Variants in L3MBTL1 observed in about 807,000 individuals in gnomAD.
The protein encoded by L3MBTL1 is L3MBTL histone methyl-lysine binding protein 1.
A neutral mutation model predicts 105.3 loss-of-function variants in L3MBTL1; 75 were observed. The ratio of observed to expected loss-of-function variants is 0.71; its 90% CI spans 0.59 to 0.86. L3MBTL1 has a LOEUF of 0.86. Ranked by LOEUF, L3MBTL1 falls within the 40% of genes least tolerant of loss-of-function variation. The pLI, the probability that L3MBTL1 is intolerant of heterozygous loss-of-function variation, is 0.00. For missense variants in L3MBTL1, 1,069 were observed against 1,126.4 expected, an observed-to-expected ratio of 0.95 and a Z score of 0.73; for synonymous variants, 452 against 436.2, an observed-to-expected ratio of 1.04 and a Z score of -0.45.
intron 12 of L3MBTL1, 69 bp downstream of exon 12, chr20:43,532,993 C>A: frequency 6.6e-7 from 1 of 1,520,830 alleles, no homozygotes; most frequent in Non-Finnish European, 9.1e-7. Context: ...TTTCATATCT[C>A]AGGTACCATG....
chr20:43,533,340 A>G lies in L3MBTL1; in HGVS notation c.1437-2A>G. On this transcript the variant is annotated splice_acceptor_variant, in intron 12 of 21. Coordinates refer to ENST00000418998, the MANE Select transcript of L3MBTL1 (RefSeq NM_001377303.1). LOFTEE classifies it high-confidence loss of function. ...GGACAGTGACATGTTCTTGGATTTC[A>G]GGTGTGATCCCAGCAGCCCCTACAT... 1.2e-6 allele frequency: 2 copies of G among 1,613,388 alleles called. No homozygotes were observed. Among genetic ancestry groups the G allele is most frequent in the Non-Finnish European group, 1.7e-6 (2 of 1,179,690 alleles).
At chr20:43,535,113 C>T (rs2019539936) in intron 16 of L3MBTL1, among the ~76,000 whole-genome samples, 171 bp downstream of exon 16, 2 of 152,184 alleles carry the variant, frequency 1.3e-5, no homozygotes, top group Admixed American at 1.3e-4. Context: ...CCATCTGCTA[C>T]ACTAAGCAGT....
intron 5 of L3MBTL1, 46 bp from the exon 6 acceptor site, chr20:43,515,246 T>G (rs1600896035): frequency 6.2e-7 from 1 of 1,612,420 alleles, no homozygotes; most frequent in East Asian, 2.2e-5. Flanking sequence ...AGGGGCTGGG[T>G]GGTGCAGGGC....
chr20:43,509,159 T>C (rs1385651508), intron 1 of L3MBTL1, among the ~76,000 whole-genome samples: 3 of 152,196 alleles, frequency 2.0e-5, no homozygotes, highest in East Asian at 3.8e-4. Flanking sequence ...CTTTTTTCTT[T>C]ATACTCAGTT....
intron 6 of L3MBTL1, among the ~76,000 whole-genome samples, chr20:43,515,765 G>A (rs531243015): frequency 9.8e-5 from 15 of 152,378 alleles, no homozygotes; most frequent in African/African-American, 3.6e-4. Context: ...TCTAGCTGCA[G>A]AAGCTGGAAG....
chr20:43,519,548 A>C (rs898386002), intron 7 of L3MBTL1, among the ~76,000 whole-genome samples: 1 of 152,202 alleles, frequency 6.6e-6, no homozygotes, highest in Non-Finnish European at 1.5e-5. Flanking sequence ...AGGCAGGAGA[A>C]TCGCTTGAAC....
chr20:43,540,846 GC>G, intron 21 of L3MBTL1, 31 bp downstream of exon 21: 1 of 1,613,708 alleles, frequency 6.2e-7, no homozygotes, highest in South Asian at 1.1e-5. Context: ...GGGAGACAGA[GC>G]CGGGGTCACT....
At chr20:43,511,941 G>A (rs1029530433) in intron 1 of L3MBTL1, among the ~76,000 whole-genome samples, 5 of 152,180 alleles carry the variant, frequency 3.3e-5, no homozygotes, top group Admixed American at 2.6e-4. Context: ...GAGTGGGAAT[G>A]TTGGTCAAGC....
chr20:43,548,062 G>T, intron 18 of L3MBTL1: 1 of 1,256,356 alleles, frequency 8.0e-7, no homozygotes. Flanking sequence ...CCTGCCCCGT[G>T]ACCCTTTCCA....
chr20:43,513,385 T>C lies in L3MBTL1; in HGVS notation c.-28-91T>C. 8 of 1,340,676 alleles carry C rather than the reference T, an allele frequency of 6.0e-6. No individual in the cohort carries two copies. In the South Asian group the frequency reaches 1.0e-4, roughly 17 times the overall value. The allele number at this position is 1,340,676 out of a possible 1,614,324, so 83.0% of individuals were successfully genotyped here. ...GGTCACGGGTTTGAAGGTGGCTAGC[T>C]TCTCAAAGAAGCCCCATCCCTTCAC... On this transcript the variant is annotated intron_variant, in intron 1 of 21. Transcript: ENST00000418998.
downstream of L3MBTL1, among the ~76,000 whole-genome samples, chr20:43,542,224 G>A (rs1351401908): frequency 6.6e-6 from 1 of 152,160 alleles, no homozygotes; most frequent in African/African-American, 2.4e-5. Context: ...AACATAAAAA[G>A]AAAGTAGTTG....
chr20:43,514,432 C>G (rs1260538152), intron 3 of L3MBTL1: 8 of 1,475,238 alleles, frequency 5.4e-6, no homozygotes, highest in Non-Finnish European at 6.3e-6. Context: ...CACCCTGGGA[C>G]TGGACCCCGC....
chr20:43,515,200 G>T, intron 5 of L3MBTL1, 41 bp downstream of exon 5: 4 of 1,614,074 alleles, frequency 2.5e-6, no homozygotes, highest in Non-Finnish European at 3.4e-6. Flanking sequence ...TCTACCTTCA[G>T]CCCCCAAAGC....
chr20:43,541,957 T>C, downstream of L3MBTL1: 8 of 971,852 alleles, frequency 8.2e-6, no homozygotes, highest in Non-Finnish European at 9.8e-6. Flanking sequence ...ACGCCTGTAA[T>C]CTCAGGACTT....
downstream of L3MBTL1, among the ~76,000 whole-genome samples, chr20:43,545,244 G>A (rs913250212): frequency 6.6e-6 from 1 of 151,248 alleles, no homozygotes; most frequent in Non-Finnish European, 1.5e-5. Context: ...ACATGCCTCT[G>A]GTCCCAGCTA....
chr20:43,544,206 G>A (rs1978425551), downstream of L3MBTL1, among the ~76,000 whole-genome samples: 1 of 152,206 alleles, frequency 6.6e-6, no homozygotes, highest in Non-Finnish European at 1.5e-5. Flanking sequence ...CCTTTCTGCT[G>A]TGAAAGCATA....
chr20:43,528,765 C>A lies in L3MBTL1; in HGVS notation c.951+20C>A, dbSNP rs117332524. 1 of 1,584,302 alleles carries A rather than the reference C, an allele frequency of 6.3e-7. No homozygotes were observed. The highest frequency in any genetic ancestry group is 2.2e-5 in the East Asian group (1 of 44,752). On this transcript the variant is annotated intron_variant, in intron 8 of 21. Transcript: ENST00000418998. Reference sequence around the variant, plus strand: ...CAGGACGTGAGTTGGACAATTTCCCCGTAGGAACAGCTTGTCTTCCTAGCC... The same window carrying A: ...CAGGACGTGAGTTGGACAATTTCCCAGTAGGAACAGCTTGTCTTCCTAGCC...
chr20:43,533,922 C>G (rs1482318628), intron 13 of L3MBTL1, 86 bp from the exon 14 acceptor site: 2 of 937,750 alleles, frequency 2.1e-6, no homozygotes, highest in Non-Finnish European at 3.5e-6. Flanking sequence ...GCTTCTGTCC[C>G]TTCCATGTTC....
In L3MBTL1 at chr20:43,536,117, G is replaced by T. The variant is rs1171239810; in HGVS notation, c.1946G>T (p.Cys649Phe). 1 of 1,613,350 alleles carries T rather than the reference G, an allele frequency of 6.2e-7. No homozygotes were observed. Among genetic ancestry groups the T allele is most frequent in the Non-Finnish European group, 8.5e-7 (1 of 1,180,022 alleles). ...CCCAGGAAGTGCCCCACTCCTGGTT[G>T]CGACGGCTCTGGCCATGTCACAGGC... The part of the protein sequence containing the change: ...FHHRKCPTPG[C>F]DGSGHVTGKF... The change falls in exon 18 of 22, where the codon TGC becomes TTC. Residue 649 changes from cysteine (C) to phenylalanine (F), a missense_variant. By Grantham distance (205) the Cys-to-Phe change is radical. Transcript: ENST00000418998.
Sources: allele counts gnomAD v4.1 joint callset (sites outside exome capture counted in the v4.1 genomes callset), GRCh38; gene constraint gnomAD v4.1.1; transcripts MANE v1.5; gene names NCBI Gene and HGNC (gene_info 2026-07-23, HGNC 2026-07-21).